DMD: variants seen among roughly 807,000 people sequenced by gnomAD.
The protein encoded by DMD is mutant dystrophin.
In DMD, 63 loss-of-function variants were observed where a neutral mutation model predicts 330.1. That is an observed-to-expected ratio of 0.19 (90% confidence interval 0.16 to 0.24). The LOEUF is 0.24. DMD is among the 10% of genes least tolerant of loss of function. The pLI, the probability that DMD is intolerant of heterozygous loss-of-function variation, is 1.00. For missense variants in DMD, 3,344 were observed against 2,684.1 expected (o/e 1.25, Z -5.43); for synonymous variants, 1,223 against 959.8 (o/e 1.27, Z -5.07).
intron 32 of DMD, among the ~76,000 whole-genome samples, chrX:32,387,852 T>C (rs1414995696): frequency 1.8e-5 from 2 of 111,700 alleles, no homozygotes; most frequent in Non-Finnish European, 3.8e-5. Flanking sequence ...ATAAATGCTT[T>C]ATTTTGATGA....
At chrX:32,526,236 A>G (rs904955673) in intron 17 of DMD, among the ~76,000 whole-genome samples, 3 of 112,059 alleles carry the variant, frequency 2.7e-5, no homozygotes, top group East Asian at 2.8e-4. Flanking sequence ...TCACAAAATG[A>G]TTATTTCTAT....
intron 43 of DMD, among the ~76,000 whole-genome samples, chrX:32,248,179 C>G (rs1310870841): frequency 9.0e-6 from 1 of 111,406 alleles, no homozygotes; most frequent in Non-Finnish European, 1.9e-5. Flanking sequence ...CCAAACCTGC[C>G]AGTCCTTCAT....
At chrX:32,227,852 T>G (rs1464816331) in intron 43 of DMD, among the ~76,000 whole-genome samples, 1 of 111,479 alleles carries the variant, frequency 9.0e-6, no homozygotes, top group Non-Finnish European at 1.9e-5. Flanking sequence ...TTTGCTGGAC[T>G]CTTATTGGGC....
At chrX:33,086,832 T>G (rs1325242980) in intron 1 of DMD, among the ~76,000 whole-genome samples, 1 of 108,663 alleles carries the variant, frequency 9.2e-6, no homozygotes, top group Non-Finnish European at 1.9e-5. Flanking sequence ...TAGAGAGCGA[T>G]AGAGGGAGAT....
intron 44 of DMD, among the ~76,000 whole-genome samples, chrX:32,173,451 C>A (rs2096895573): frequency 9.0e-6 from 1 of 111,008 alleles, no homozygotes; most frequent in South Asian, 3.9e-4. Context: ...CGGCTCACTG[C>A]AACCTCCGCC....
intron 48 of DMD, among the ~76,000 whole-genome samples, chrX:31,844,266 A>C (rs948511466): frequency 1.0e-4 from 11 of 107,188 alleles, no homozygotes; most frequent in African/African-American, 3.1e-4. Context: ...CAGCTATCCC[A>C]GCACCGTTTA....
At chrX:32,787,264 G>A (rs1191221951) in intron 7 of DMD, among the ~76,000 whole-genome samples, 1 of 107,666 alleles carries the variant, frequency 9.3e-6, no homozygotes. Context: ...GAGAGAGAGA[G>A]AGAGAGAGAA....
chrX:31,420,614 C>T (rs1393256417), intron 60 of DMD, among the ~76,000 whole-genome samples: 1 of 112,283 alleles, frequency 8.9e-6, no homozygotes, highest in Non-Finnish European at 1.9e-5. Flanking sequence ...CAAACTTCTT[C>T]TTATAACCAG....
intron 44 of DMD, among the ~76,000 whole-genome samples, chrX:32,115,842 A>G (rs1436698585): frequency 9.0e-6 from 1 of 110,714 alleles, no homozygotes; most frequent in Non-Finnish European, 1.9e-5. Context: ...CCACCACTCC[A>G]CCCTAGTCTG....
intron 41 of DMD, among the ~76,000 whole-genome samples, chrX:32,333,342 T>C (rs1231280517): frequency 9.0e-6 from 1 of 111,410 alleles, no homozygotes; most frequent in East Asian, 2.8e-4. Context: ...ATGTTATTCC[T>C]GAAAGAGAGT....
intron 71 of DMD, among the ~76,000 whole-genome samples, chrX:31,175,064 A>G (rs148526663): frequency 3.4e-3 from 386 of 112,251 alleles, no homozygotes; most frequent in African/African-American, 0.012. Context: ...GAACCCTGGC[A>G]TAGCCCATTA....
chrX:32,069,042 T>G (rs1322855602), intron 44 of DMD, among the ~76,000 whole-genome samples: 2 of 112,023 alleles, frequency 1.8e-5, no homozygotes, highest in South Asian at 7.4e-4. Context: ...GGACAAAGTA[T>G]CTGAAATGTT....
At chrX:32,199,453 G>C (rs73458061) in intron 44 of DMD, among the ~76,000 whole-genome samples, 23,921 of 109,872 alleles carry the variant, frequency 0.22, 2,686 homozygotes, top group African/African-American at 0.42. Flanking sequence ...GCAGAAGTGA[G>C]GATGTGCAGT....
chrX:31,730,639 A>G (rs952254361), intron 51 of DMD, among the ~76,000 whole-genome samples: 1 of 111,642 alleles, frequency 9.0e-6, no homozygotes, highest in African/African-American at 3.2e-5. Context: ...AATTTATGAA[A>G]AAAAGGCATC....
chrX:31,523,578 C>G (rs548498173), intron 55 of DMD, among the ~76,000 whole-genome samples: 1 of 112,322 alleles, frequency 8.9e-6, no homozygotes, highest in Non-Finnish European at 1.9e-5. Context: ...TCATTTCACT[C>G]TAACCACATT....
intron 55 of DMD, among the ~76,000 whole-genome samples, chrX:31,620,036 T>G (rs1223873634): frequency 1.8e-5 from 2 of 112,157 alleles, no homozygotes; most frequent in Admixed American, 9.5e-5. Context: ...TTTAATTATT[T>G]TCATTATTTC....
chrX:32,519,211 A>C (rs1404476477), intron 17 of DMD, among the ~76,000 whole-genome samples: 1 of 103,847 alleles, frequency 9.6e-6, no homozygotes, highest in African/African-American at 3.5e-5. Flanking sequence ...TAAGTGAAAT[A>C]AGCCAGGTGT....
intron 2 of DMD, among the ~76,000 whole-genome samples, chrX:32,950,238 C>T (rs148059509): frequency 0.01 from 1,157 of 111,095 alleles, 11 homozygotes; most frequent in Non-Finnish European, 0.017. Context: ...ATCTATTGAG[C>T]ACTTAAAACA....
intron 44 of DMD, among the ~76,000 whole-genome samples, chrX:32,066,699 G>T (rs748477141): frequency 9.0e-6 from 1 of 111,356 alleles, no homozygotes; most frequent in African/African-American, 3.3e-5. Flanking sequence ...ATATTTGGGT[G>T]CTGAAGAGAT....
Sources: allele counts gnomAD v4.1 joint callset (sites outside exome capture counted in the v4.1 genomes callset), GRCh38; gene constraint gnomAD v4.1.1; transcripts MANE v1.5; gene names NCBI Gene and HGNC (gene_info 2026-07-23, HGNC 2026-07-21).